TJAP1: variants seen among roughly 807,000 people sequenced by gnomAD.
The protein encoded by TJAP1 is tight junction associated protein 1.
A neutral mutation model predicts 42.0 loss-of-function variants in TJAP1; 27 were observed. The ratio of observed to expected loss-of-function variants is 0.64; its 90% CI spans 0.47 to 0.89. The LOEUF (loss-of-function observed/expected upper bound fraction) is 0.89. TJAP1 is among the 40% of genes least tolerant of loss of function. TJAP1 has a pLI of 0.00. For synonymous variants in TJAP1, 257 were observed against 288.4 expected, an observed-to-expected ratio of 0.89 and a Z score of 1.10; for missense variants, 712 against 726.9, an observed-to-expected ratio of 0.98 and a Z score of 0.24.
chr6:43,504,927 C>A lies in TJAP1; in HGVS notation c.746C>A (p.Ser249Ter). 6.2e-7 allele frequency: 1 copy of A among 1,614,206 alleles called. No homozygotes were observed. The highest frequency in any genetic ancestry group is 1.3e-5 in the African/African-American group (1 of 75,042). Residue 249 changes from serine to a stop codon, truncating the protein, a stop_gained, in exon 11 of 11, where the codon TCA (serine) becomes TAA (stop). Transcript: ENST00000372449. LOFTEE classifies it high-confidence loss of function. ...TCTCTACTGCTCAATTCAGCCCAGT[C>A]AGGCAGCGCCGGGCGCCCCTTGGCT...
chr6:43,500,293 C>G (rs1582071252), intron 4 of TJAP1, among the ~76,000 whole-genome samples: 1 of 152,204 alleles, frequency 6.6e-6, no homozygotes, highest in African/African-American at 2.4e-5. Context: ...TCTGCAAGAG[C>G]CTGATTCTGC....
Position 43,495,075 on chromosome 6 carries a change from T to C in TJAP1, c.-121-2806T>C, listed in dbSNP as rs567411528. ...CCCACATGGGATTGGGAGTCCTCCT[T>C]GGGCTGAAACACTCCAAGGCAACTT... On this transcript the variant is annotated intron_variant, in intron 2 of 10. Transcript: ENST00000372449. The surrounding 1 kb of genome is among the most constrained non-coding windows in gnomAD (Gnocchi z 4.6). Among the ~76,000 whole-genome samples, 162 of 152,358 alleles carry C rather than the reference T, an allele frequency of 1.1e-3. No homozygotes were observed. The South Asian group carries it at 0.013, about 12-fold the overall frequency.
intron 10 of TJAP1, 88 bp downstream of exon 10, chr6:43,503,794 G>A (rs571487028): frequency 8.4e-7 from 1 of 1,194,772 alleles, no homozygotes; most frequent in African/African-American, 1.5e-5. Context: ...ACCTCTCTCT[G>A]TCCTCCTCTT....
chr6:43,501,210 C>T, intron 5 of TJAP1: 1 of 393,432 alleles, frequency 2.5e-6, no homozygotes, highest in Non-Finnish European at 4.6e-6. Context: ...CTGACATGGG[C>T]TGTAACCAGA....
rs1238833856 is a variant in TJAP1, at chr6:43,495,024, C to T, written c.-121-2857C>T. The stretch of plus-strand genomic sequence containing the variant: ...CCATGGCCCATTCTGAGCTGTCCAG[C>T]TGCTCTCCTTAGGGACCTTTTCTTC... On this transcript the variant is annotated intron_variant, in intron 2 of 10. Coordinates refer to ENST00000372449, the Ensembl canonical transcript of TJAP1. The surrounding 1 kb of genome is among the most constrained non-coding windows in gnomAD (Gnocchi z 4.6). Among the ~76,000 whole-genome samples, 1 of 152,274 alleles carries T rather than the reference C, an allele frequency of 6.6e-6. No individual in the cohort carries two copies. Among genetic ancestry groups the T allele is most frequent in the Non-Finnish European group, 1.5e-5 (1 of 68,046 alleles).
intron 2 of TJAP1, among the ~76,000 whole-genome samples, chr6:43,490,301 C>T (rs1055311057): frequency 6.6e-6 from 1 of 152,168 alleles, no homozygotes; most frequent in African/African-American, 2.4e-5. Flanking sequence ...GAGTCAGCAG[C>T]GTGCTCTTCA....
chr6:43,485,216 A>G (rs1786194725), intron 2 of TJAP1, among the ~76,000 whole-genome samples: 1 of 152,238 alleles, frequency 6.6e-6, no homozygotes, highest in African/African-American at 2.4e-5. Context: ...ATGGATTGAA[A>G]AATGGGTGAA....
rs1309502395 is a variant in TJAP1, at chr6:43,489,784, A to G, written c.-121-8097A>G. Reference sequence around the variant, plus strand: ...TCTGGCATGGTTTCCGGATGGGAGAAAGCCCCTGAGGGTCTGGTGGTAAGT... The same window carrying G: ...TCTGGCATGGTTTCCGGATGGGAGAGAGCCCCTGAGGGTCTGGTGGTAAGT... On this transcript the variant is annotated intron_variant, in intron 2 of 10. Transcript: ENST00000372449. 7 of 152,166 alleles carry G rather than the reference A, an allele frequency of 4.6e-5. No homozygotes were observed. In the East Asian group the frequency reaches 1.2e-3, roughly 25 times the overall value. The allele number at this position is 152,166 out of a possible 1,614,324, so 9.4% of individuals were successfully genotyped here.
At chr6:43,482,507 T>C (rs1261064819) in intron 2 of TJAP1, among the ~76,000 whole-genome samples, 2 of 152,204 alleles carry the variant, frequency 1.3e-5, no homozygotes, top group Non-Finnish European at 2.9e-5. Flanking sequence ...GCCTACCTTT[T>C]TGTCCTTCAG....
chr6:43,477,881 A>G (rs988135210), intron 1 of TJAP1, among the ~76,000 whole-genome samples: 4 of 152,180 alleles, frequency 2.6e-5, no homozygotes, highest in African/African-American at 9.7e-5. Context: ...CAGGCCCTGG[A>G]GAAGCAGAGT....
chr6:43,478,973 CT>C (rs1454743413), intron 2 of TJAP1, among the ~76,000 whole-genome samples: 1 of 152,178 alleles, frequency 6.6e-6, no homozygotes, highest in African/African-American at 2.4e-5. Context: ...TTGCTCTTTT[CT>C]TTTCTGGTAG....
rs890641746 is a variant in TJAP1, at chr6:43,495,841, A to G, written c.-121-2040A>G. Among the ~76,000 whole-genome samples, 1 of 152,084 alleles carries G rather than the reference A, an allele frequency of 6.6e-6. No individual in the cohort carries two copies. The highest frequency in any genetic ancestry group is 6.5e-5 in the Admixed American group (1 of 15,280). ...GTCAGGGTGAGGCAGGAGGAGCTAG[A>G]GGATGTGTGGCAACTAGAGCCAGGG... On this transcript the variant is annotated intron_variant, in intron 2 of 10. Coordinates refer to ENST00000372449, the Ensembl canonical transcript of TJAP1. The surrounding 1 kb of genome is among the most constrained non-coding windows in gnomAD (Gnocchi z 4.6).
intron 2 of TJAP1, among the ~76,000 whole-genome samples, chr6:43,487,835 C>T (rs966409888): frequency 9.9e-5 from 15 of 151,912 alleles, no homozygotes; most frequent in African/African-American, 3.6e-4. Flanking sequence ...AGATAGGGAA[C>T]CACTGTTCGC....
At chr6:43,501,682 C>T (rs754260505) in exon 6 of TJAP1, 1 of 1,065,286 alleles carries the variant, frequency 9.4e-7, no homozygotes, top group Non-Finnish European at 1.4e-6. Flanking sequence ...AGGATAAGTT[C>T]CGCAGGTGTG....
chr6:43,500,805 C>T (rs755915375), intron 5 of TJAP1, 33 bp downstream of exon 5: 47 of 1,613,086 alleles, frequency 2.9e-5, no homozygotes, highest in Non-Finnish European at 1.0e-5. Context: ...ACTGCCCTGC[C>T]TCAACTCTGT....
chr6:43,503,768 TA>T, intron 10 of TJAP1, 62 bp downstream of exon 10: 1 of 1,425,926 alleles, frequency 7.0e-7, no homozygotes. Flanking sequence ...AGGACTCCTC[TA>T]ACTCCAGTTT....
chr6:43,488,060 G>A (rs1478916813), intron 2 of TJAP1, among the ~76,000 whole-genome samples: 1 of 151,938 alleles, frequency 6.6e-6, no homozygotes, highest in African/African-American at 2.4e-5. Context: ...TAGTAGAGAC[G>A]GGGGTTTCAC....
chr6:43,493,272 C>A (rs1788233666), intron 2 of TJAP1, among the ~76,000 whole-genome samples: 1 of 152,168 alleles, frequency 6.6e-6, no homozygotes, highest in African/African-American at 2.4e-5. Context: ...TTGCTTGATT[C>A]ATTGACAGCT....
rs748093144 is a variant in TJAP1 at position 43,505,769 on chromosome 6, C to T, written c.1588C>T (p.Arg530Cys). 1.1e-5 allele frequency: 16 copies of T among 1,515,642 alleles called. No homozygotes were observed. The highest frequency in any genetic ancestry group is 9.3e-5 in the South Asian group (7 of 75,498). The allele number at this position is 1,515,642 out of a possible 1,614,324, so 93.9% of individuals were successfully genotyped here. Residue 530 changes from arginine to cysteine, a missense_variant, in exon 11 of 11, where the codon CGC (arginine) becomes TGC (cysteine). Physicochemically the swap from Arg to Cys is radical, Grantham distance 180. Coordinates refer to ENST00000372449, the Ensembl canonical transcript of TJAP1. The surrounding 1 kb of genome is among the most constrained non-coding windows in gnomAD (Gnocchi z 5.5). ...ACTCCCCAGCTCCAGTCGCCCCCAG[C>T]GCAGCCCCAAGAGGATGGGGGTTCA...
Sources: allele counts gnomAD v4.1 joint callset (sites outside exome capture counted in the v4.1 genomes callset), GRCh38; gene constraint gnomAD v4.1.1; non-coding constraint Gnocchi (gnomAD v3.1); transcripts MANE v1.5; gene names NCBI Gene and HGNC (gene_info 2026-07-23, HGNC 2026-07-21).